TASP1: variants seen among roughly 807,000 people sequenced by gnomAD.
The protein encoded by TASP1 is taspase 1.
Under a neutral mutation model 56.6 loss-of-function variants are expected in TASP1, and 16 were observed. The observed-to-expected ratio is 0.28, with a 90% CI of 0.19 to 0.43. The LOEUF is 0.43. TASP1 is among the 20% of genes least tolerant of loss of function. TASP1 has a pLI of 1.00. For synonymous variants in TASP1, 179 were observed against 184.2 expected (o/e 0.97, Z 0.23); for missense variants, 393 against 511.6 (o/e 0.77, Z 2.24).
chr20:13,221,467 TCCG>T, the TASP1 span, among the ~76,000 whole-genome samples: 6 of 142,106 alleles, frequency 4.2e-5, no homozygotes, highest in Non-Finnish European at 3.1e-5. Flanking sequence ...AGTCTCCGTC[TCCG>T]CCGCCGCCGC....
intron 12 of TASP1, among the ~76,000 whole-genome samples, chr20:13,425,936 T>C (rs1054692770): frequency 6.6e-6 from 1 of 152,174 alleles, no homozygotes; most frequent in African/African-American, 2.4e-5. Flanking sequence ...CCTGAAAAAC[T>C]TTCACCACTT....
the TASP1 span, among the ~76,000 whole-genome samples, chr20:13,282,146 A>AT: frequency 1.1e-3 from 162 of 150,814 alleles, 2 homozygotes; most frequent in African/African-American, 3.5e-3. Context: ...CACCTGGGGA[A>AT]TTTTTTTTTC....
Position 13,559,123 on chromosome 20 carries a change from TA to T in TASP1, c.569-10del. 1 of 1,504,460 alleles carries T rather than the reference TA, an allele frequency of 6.6e-7. No individual in the cohort carries two copies. Among genetic ancestry groups the T allele is most frequent in the Non-Finnish European group, 8.9e-7 (1 of 1,118,018 alleles). 93.2% of individuals were successfully genotyped at this position (1,504,460 alleles called of 1,614,324 possible). On this transcript the variant is annotated splice_polypyrimidine_tract_variant and intron_variant, in intron 7 of 13. Coordinates refer to ENST00000337743, the MANE Select transcript of TASP1 (RefSeq NM_017714.3). ...TGCAGCTAAACTGAATCCTATAAAA[TA>T]AAAATAAAAAACATTAAATATAACA...
chr20:13,335,642 T>G, the TASP1 span, among the ~76,000 whole-genome samples: 1 of 151,334 alleles, frequency 6.6e-6, no homozygotes, highest in Non-Finnish European at 1.5e-5. Context: ...TGTTCTCAGA[T>G]AAGAAAAGAT....
At chr20:13,579,145 G>A (rs995100956) in intron 6 of TASP1, among the ~76,000 whole-genome samples, 1 of 152,114 alleles carries the variant, frequency 6.6e-6, no homozygotes, top group African/African-American at 2.4e-5. Flanking sequence ...ACACACAATA[G>A]GAAATATTGG....
intron 6 of TASP1, among the ~76,000 whole-genome samples, chr20:13,578,929 A>G (rs1184060423): frequency 1.3e-5 from 2 of 152,200 alleles, no homozygotes; most frequent in East Asian, 1.9e-4. Flanking sequence ...ATTCTTGTAC[A>G]CTTGTTCCTC....
chr20:13,414,049 A>C (rs189439321), intron 13 of TASP1, among the ~76,000 whole-genome samples: 42 of 152,334 alleles, frequency 2.8e-4, no homozygotes, highest in South Asian at 1.7e-3. Context: ...AAATTGACCT[A>C]ATAATGCATT....
chr20:13,366,510 CTATT>C, the TASP1 span, among the ~76,000 whole-genome samples: 17 of 152,144 alleles, frequency 1.1e-4, no homozygotes, highest in Non-Finnish European at 1.8e-4. Context: ...AGTGTTTGCA[CTATT>C]TCAGCCCCAA....
chr20:13,483,821 A>T (rs982445993), intron 10 of TASP1, among the ~76,000 whole-genome samples: 9 of 152,168 alleles, frequency 5.9e-5, no homozygotes, highest in Admixed American at 1.3e-4. Context: ...ATCTAATTAA[A>T]CTAAAGAGCT....
intron 11 of TASP1, among the ~76,000 whole-genome samples, chr20:13,438,852 A>T (rs1052182600): frequency 1.3e-5 from 2 of 152,246 alleles, no homozygotes; most frequent in Non-Finnish European, 2.9e-5. Context: ...AAAGGATATG[A>T]ACAGACACTT....
chr20:13,191,450 G>A, the TASP1 span, among the ~76,000 whole-genome samples: 1 of 152,160 alleles, frequency 6.6e-6, no homozygotes, highest in African/African-American at 2.4e-5. Context: ...ACATACATGA[G>A]TGTGGAGGAT....
At chr20:13,272,781 G>T in the TASP1 span, among the ~76,000 whole-genome samples, 2 of 152,210 alleles carry the variant, frequency 1.3e-5, no homozygotes, top group African/African-American at 2.4e-5. Flanking sequence ...GATTGGCAAG[G>T]AAGGCACTGA....
At chr20:13,402,974 T>G (rs6131471) in intron 13 of TASP1, among the ~76,000 whole-genome samples, 79,620 of 152,042 alleles carry the variant, frequency 0.52, 23,000 homozygotes, top group Non-Finnish European at 0.65. Context: ...ATGGGTGAGC[T>G]TAAAAGAAAT....
chr20:13,461,279 T>C (rs2044042004), intron 11 of TASP1, among the ~76,000 whole-genome samples: 1 of 152,208 alleles, frequency 6.6e-6, no homozygotes, highest in African/African-American at 2.4e-5. Flanking sequence ...CCACCTTTTG[T>C]ACTTCATTTT....
At chr20:13,559,865 A>G (rs2046283251) in intron 7 of TASP1, among the ~76,000 whole-genome samples, 1 of 152,222 alleles carries the variant, frequency 6.6e-6, no homozygotes, top group African/African-American at 2.4e-5. Context: ...AGGAAAATTC[A>G]TAAAACACAT....
At chr20:13,283,907 G>A in the TASP1 span, among the ~76,000 whole-genome samples, 25,405 of 152,034 alleles carry the variant, frequency 0.17, 2,225 homozygotes, top group East Asian at 0.23. Flanking sequence ...ACGTAAGAGC[G>A]TATCTTAAAG....
the TASP1 span, among the ~76,000 whole-genome samples, chr20:13,268,073 T>C: frequency 6.6e-6 from 1 of 150,968 alleles, no homozygotes. Flanking sequence ...CATCGAGAAA[T>C]CTTATGTTGA....
At chr20:13,623,628 C>T in intron 3 of TASP1, 114 bp from the exon 4 acceptor site, 1 of 733,292 alleles carries the variant, frequency 1.4e-6, no homozygotes, top group Non-Finnish European at 2.3e-6. Flanking sequence ...CCACTAGTTC[C>T]ATTCCATACT....
chr20:13,516,658 G>GTTTTTTTTTTTTTTTTTTTTTT, intron 10 of TASP1, among the ~76,000 whole-genome samples: 1 of 124,852 alleles, frequency 8.0e-6, no homozygotes, highest in Non-Finnish European at 1.7e-5. Context: ...TTACGCCTTT[G>GTTTTTTTTTTTTTTTTTTTTTT]TTTTTTTTTT....
Sources: gnomAD v4.1 joint callset for allele counts (sites outside exome capture counted in the v4.1 genomes callset) on GRCh38, gnomAD v4.1.1 for gene constraint, MANE v1.5 for transcripts, NCBI Gene and HGNC (gene_info 2026-07-23, HGNC 2026-07-21) for gene names.